AUTS2: variants seen among roughly 807,000 people sequenced by gnomAD.
The protein encoded by AUTS2 is autism susceptibility gene 2 protein.
AUTS2 carries 17 observed loss-of-function variants against 112.4 expected under a neutral mutation model. The observed-to-expected ratio is 0.15, with a 90% CI of 0.10 to 0.23. The LOEUF is 0.23. AUTS2 is among the 10% of genes least tolerant of loss of function. AUTS2 has a pLI of 1.00. For missense variants in AUTS2, 1,510 were observed against 1,701.6 expected (o/e 0.89, Z 1.98); for synonymous variants, 751 against 702.7 (o/e 1.07, Z -1.09).
intron 5 of AUTS2, among the ~76,000 whole-genome samples, chr7:70,693,778 A>C (rs1353646171): frequency 1.3e-5 from 2 of 152,190 alleles, no homozygotes; most frequent in Non-Finnish European, 2.9e-5. Context: ...GCCATGGCGC[A>C]ATCTTGGAAG....
intron 2 of AUTS2, among the ~76,000 whole-genome samples, chr7:70,064,107 G>A (rs1229361362): frequency 6.6e-6 from 1 of 152,172 alleles, no homozygotes; most frequent in Non-Finnish European, 1.5e-5. Context: ...CGAAGGATTT[G>A]GACTGTGTTC....
intron 4 of AUTS2, among the ~76,000 whole-genome samples, chr7:70,326,586 T>G (rs1220692508): frequency 6.6e-6 from 1 of 152,240 alleles, no homozygotes; most frequent in Admixed American, 6.5e-5. Flanking sequence ...TTGGTTTACC[T>G]TATTGGCTAG....
At chr7:70,640,143 T>C (rs1205655297) in intron 5 of AUTS2, among the ~76,000 whole-genome samples, 2 of 152,092 alleles carry the variant, frequency 1.3e-5, no homozygotes, top group Non-Finnish European at 2.9e-5. Flanking sequence ...GGGAGCATTG[T>C]GGTCTCTTTC....
At chr7:70,380,450 A>T (rs1160646014) in intron 4 of AUTS2, among the ~76,000 whole-genome samples, 1 of 152,218 alleles carries the variant, frequency 6.6e-6, no homozygotes, top group Non-Finnish European at 1.5e-5. Context: ...GACGTCTGAC[A>T]GTAACCGCAA....
intron 5 of AUTS2, among the ~76,000 whole-genome samples, chr7:70,667,223 A>G (rs2129543577): frequency 6.6e-6 from 1 of 152,340 alleles, no homozygotes; most frequent in East Asian, 1.9e-4. Context: ...ATTAGCATTT[A>G]AAAGTAAAAC....
chr7:70,267,019 G>A (rs186782981), intron 4 of AUTS2, among the ~76,000 whole-genome samples: 1 of 152,284 alleles, frequency 6.6e-6, no homozygotes, highest in Admixed American at 6.5e-5. Flanking sequence ...CGCAATAATG[G>A]AACTTTCTTC....
intron 1 of AUTS2, among the ~76,000 whole-genome samples, chr7:69,813,400 G>C (rs976427235): frequency 2.0e-5 from 3 of 152,186 alleles, no homozygotes; most frequent in African/African-American, 4.8e-5. Context: ...TTTGGAAAAA[G>C]AGAGTGTGGT....
In AUTS2 at chr7:70,729,035, C is replaced by T. The variant is rs570855242; in HGVS notation, c.742+30415C>T. On this transcript the variant is annotated intron_variant, in intron 6 of 18. Coordinates refer to ENST00000342771, the MANE Select transcript of AUTS2 (RefSeq NM_015570.4). ...ACCACCTCCGGGCAGGATTAGCAGC[C>T]TGGGAGGAGCCACTTTCTGTTCTTT... The T allele has an allele frequency of 9.7e-4, 378 of 391,560 alleles. 1 individual carries two copies. Among genetic ancestry groups the T allele is most frequent in the Non-Finnish European group, 1.7e-3 (318 of 191,692 alleles). The allele number at this position is 391,560 out of a possible 1,614,324, so 24.3% of individuals were successfully genotyped here. A position where few individuals can be genotyped will look rare whatever the true frequency, so the allele number is the denominator to read the frequency against.
chr7:70,348,889 G>A (rs1319219222), intron 4 of AUTS2, among the ~76,000 whole-genome samples: 3 of 152,208 alleles, frequency 2.0e-5, no homozygotes, highest in Admixed American at 6.5e-5. Flanking sequence ...CATGGTGAAC[G>A]CTTTTCTAAG....
rs756061374 is a variant in AUTS2, at chr7:70,790,593, A to G, written c.3377A>G (p.His1126Arg). Reference sequence around the variant, plus strand: ...GACCGGGAGCCTCACGACTACAGCCACCACCACCACCACCACCACCACCCG... The same window carrying G: ...GACCGGGAGCCTCACGACTACAGCCGCCACCACCACCACCACCACCACCCG... The part of the protein sequence containing the change: ...FRDREPHDYS[H>R]HHHHHHHPLS... The change falls in exon 19 of 19, where the codon CAC becomes CGC. Residue 1126 changes from histidine to arginine, a missense_variant. By Grantham distance (29) the His-to-Arg change is conservative (BLOSUM62 0). Around this residue, in one of 3 missense-constraint regions of AUTS2, gnomAD observed 788 missense variants for 797.6 expected, o/e 0.99. Transcript: ENST00000342771. The surrounding 1 kb of genome is among the most constrained non-coding windows in gnomAD (Gnocchi z 7.6). 8.3e-6 allele frequency: 13 copies of G among 1,559,402 alleles called. No homozygotes were observed. The highest frequency in any genetic ancestry group is 9.6e-6 in the Non-Finnish European group (11 of 1,151,804).
intron 1 of AUTS2, among the ~76,000 whole-genome samples, chr7:69,770,965 TG>T (rs1788638243): frequency 6.6e-6 from 1 of 152,170 alleles, no homozygotes; most frequent in Admixed American, 6.5e-5. Context: ...AATGGCCAGT[TG>T]GTTTTAGAGT....
chr7:70,305,381 TAAA>T (rs1404915507), intron 4 of AUTS2, among the ~76,000 whole-genome samples: 1 of 152,088 alleles, frequency 6.6e-6, no homozygotes, highest in Non-Finnish European at 1.5e-5. Context: ...AAATAAAAAA[TAAA>T]AAAGACATTT....
intron 1 of AUTS2, among the ~76,000 whole-genome samples, chr7:69,705,755 T>C (rs1798040057): frequency 6.6e-6 from 1 of 152,234 alleles, no homozygotes; most frequent in Non-Finnish European, 1.5e-5. Flanking sequence ...AAATGTATTT[T>C]CTCTCAGCTC....
chr7:69,956,616 C>A (rs1584490686), intron 2 of AUTS2, among the ~76,000 whole-genome samples: 1 of 152,002 alleles, frequency 6.6e-6, no homozygotes, highest in East Asian at 1.9e-4. Context: ...GATTTATTTC[C>A]ATCTTAAGGA....
intron 5 of AUTS2, among the ~76,000 whole-genome samples, chr7:70,679,845 CTG>C (rs1808115017): frequency 6.6e-6 from 1 of 152,204 alleles, no homozygotes; most frequent in Non-Finnish European, 1.5e-5. Context: ...TTCTTTCGTT[CTG>C]AAGTCCTTCC....
At chr7:69,757,445 A>G (rs780854381) in intron 1 of AUTS2, among the ~76,000 whole-genome samples, 5 of 152,198 alleles carry the variant, frequency 3.3e-5, no homozygotes, top group Non-Finnish European at 5.9e-5. Context: ...TTAACCTGAT[A>G]TGTAAGATTC....
chr7:69,833,145 G>T (rs10237984), intron 1 of AUTS2, among the ~76,000 whole-genome samples: 21,300 of 152,074 alleles, frequency 0.14, 2,368 homozygotes, highest in East Asian at 0.54. Context: ...TGGTGGTATG[G>T]TAGGTCTGGA....
intron 5 of AUTS2, among the ~76,000 whole-genome samples, chr7:70,481,740 G>A (rs1224154390): frequency 1.3e-5 from 2 of 152,158 alleles, no homozygotes; most frequent in East Asian, 3.9e-4. Context: ...AGTGTTTGGG[G>A]TCCTATCTGA....
At chr7:69,832,218 T>TTTCTTTC (rs1181370813) in intron 1 of AUTS2, among the ~76,000 whole-genome samples, 3 of 152,192 alleles carry the variant, frequency 2.0e-5, no homozygotes, top group Non-Finnish European at 4.4e-5. Flanking sequence ...AAACCTTTTG[T>TTTCTTTC]TTCTTTCTTC....
Sources: allele counts gnomAD v4.1 joint callset (sites outside exome capture counted in the v4.1 genomes callset), GRCh38; gene constraint gnomAD v4.1.1; regional missense constraint gnomAD v4.1.1; non-coding constraint Gnocchi (gnomAD v3.1); transcripts MANE v1.5; gene names NCBI Gene and HGNC (gene_info 2026-07-23, HGNC 2026-07-21).